Variants in P2RY10 observed in about 807,000 individuals in gnomAD.
The protein encoded by P2RY10 is P2Y receptor family member 10.
In P2RY10, 4 loss-of-function variants were observed where a neutral mutation model predicts 12.1. That is an observed-to-expected ratio of 0.33 (90% CI 0.16 to 0.76). The LOEUF (loss-of-function observed/expected upper bound fraction) is 0.76, where lower values mean the gene tolerates loss of function less well. P2RY10 is among the 30% of genes least tolerant of loss of function. The probability of loss-of-function intolerance (pLI) is 0.61; values close to 1 mark genes in which losing one functional copy is unlikely to be tolerated. For missense variants in P2RY10, 233 were observed against 264.6 expected (o/e 0.88, Z 0.83); for synonymous variants, 112 against 94.1 (o/e 1.19, Z -1.10).
At position 78,954,020 on chromosome X, in the gene P2RY10, G is replaced by A. The variant is rs998241181; in HGVS notation, c.-14+1685G>A. On this transcript the variant is annotated intron_variant, in intron 3 of 3. Coordinates refer to ENST00000171757, the MANE Select transcript of P2RY10 (RefSeq NM_014499.4). ...GCTGGGACCACATAGGCGTGCCACC[G>A]CACCCAGCTAATTTTTTTGTTTTAT... is the stretch of plus-strand genomic sequence containing the variant. Among the ~76,000 whole-genome samples the A allele has an allele frequency of 4.5e-5, 5 of 110,595 alleles. No homozygotes were observed. In the East Asian group the frequency reaches 8.5e-4, roughly 19 times the overall value.
chrX:78,954,527 A>T (rs1475258190), intron 3 of P2RY10, among the ~76,000 whole-genome samples: 1 of 112,301 alleles, frequency 8.9e-6, no homozygotes, highest in Non-Finnish European at 1.9e-5. Context: ...ACTGCTTATT[A>T]AAAAATTGAC....
intron 3 of P2RY10, among the ~76,000 whole-genome samples, chrX:78,955,950 TAG>T (rs1387791479): frequency 9.0e-6 from 1 of 111,212 alleles, no homozygotes; most frequent in African/African-American, 3.3e-5. Flanking sequence ...GAAAAGGAAA[TAG>T]AGTTATTTCC....
intron 3 of P2RY10, among the ~76,000 whole-genome samples, chrX:78,959,758 C>T (rs1376307337): frequency 9.0e-6 from 1 of 111,680 alleles, no homozygotes; most frequent in Non-Finnish European, 1.9e-5. Context: ...CACACCAATA[C>T]AGGATTCTAC....
chrX:78,956,126 G>C (rs1310175933), intron 3 of P2RY10, among the ~76,000 whole-genome samples: 1 of 111,842 alleles, frequency 8.9e-6, no homozygotes, highest in Non-Finnish European at 1.9e-5. Context: ...TCATGAAGCT[G>C]TCCTTTTCTT....
chrX:78,951,300 G>A (rs1054994897), intron 2 of P2RY10, among the ~76,000 whole-genome samples: 33 of 112,127 alleles, frequency 2.9e-4, no homozygotes, highest in African/African-American at 1.0e-3. Context: ...ATTTCAAAAC[G>A]AAAGCTGGAT....
rs1922653054 is a variant in P2RY10 at position 78,962,054 on chromosome X, A to T, written c.*514A>T. ...ATTTCAGGACCACAAGCCTGTTATT[A>T]AAGAAAAGGCATGGAAATTCATTCA... On this transcript the variant is annotated 3_prime_UTR_variant, in exon 4 of 4. Transcript: ENST00000171757. 8.6e-6 allele frequency: 1 copy of T among 115,614 alleles called. No individual in the cohort carries two copies. Among genetic ancestry groups the T allele is most frequent in the African/African-American group, 3.2e-5 (1 of 30,958 alleles). The allele number at this position is 115,614 out of a possible 1,213,427, so 9.5% of individuals were successfully genotyped here.
intron 3 of P2RY10, 39 bp from the exon 4 acceptor site, chrX:78,960,469 T>G: frequency 3.8e-6 from 4 of 1,058,502 alleles, no homozygotes; most frequent in South Asian, 4.3e-5. Flanking sequence ...AAAGAACTAA[T>G]TAACCATTTT....
intron 2 of P2RY10, among the ~76,000 whole-genome samples, chrX:78,949,556 C>G (rs1350897723): frequency 8.9e-6 from 1 of 112,118 alleles, no homozygotes; most frequent in African/African-American, 3.2e-5. Context: ...GCTGCCACAG[C>G]TGCAAAAATG....
At chrX:78,947,923 A>G in intron 2 of P2RY10, 60 bp downstream of exon 2, 1 of 368,273 alleles carries the variant, frequency 2.7e-6, no homozygotes, top group Non-Finnish European at 3.5e-6. Flanking sequence ...AAACTTTCTG[A>G]AATCTAATTT....
intron 3 of P2RY10, among the ~76,000 whole-genome samples, chrX:78,955,925 C>A (rs1457067605): frequency 9.0e-6 from 1 of 110,978 alleles, no homozygotes; most frequent in African/African-American, 3.3e-5. Flanking sequence ...CAGCCAAAGT[C>A]CTCAAAAAGC....
At position 78,961,199 on chromosome X, in the gene P2RY10, C is replaced by A. The variant is rs1373435560; in HGVS notation, c.679C>A (p.Gln227Lys). Reference protein sequence around the residue: ...CTWKTTISLRQPPMAFQGISE... With the variant: ...CTWKTTISLRKPPMAFQGISE... ...CTGGAAAACTACTATATCCTTGAGA[C>A]AGCCACCAATGGCTTTCCAAGGGAT... Residue 227 changes from glutamine (Q) to lysine (K), a missense_variant, in exon 4 of 4, where the codon CAG (glutamine) becomes AAG (lysine). By Grantham distance (53) the Gln-to-Lys change is moderately conservative (BLOSUM62 1). Transcript: ENST00000171757. 3 of 1,209,171 alleles carry A rather than the reference C, an allele frequency of 2.5e-6. No homozygotes were observed. The highest frequency in any genetic ancestry group is 1.7e-5 in the African/African-American group (1 of 57,790).
At chrX:78,947,012 G>C (rs1450884358) in intron 1 of P2RY10, among the ~76,000 whole-genome samples, 1 of 111,138 alleles carries the variant, frequency 9.0e-6, no homozygotes, top group African/African-American at 3.3e-5. Flanking sequence ...TCAGGAGTTC[G>C]AGACCAGCCT....
At chrX:78,946,088 C>A (rs1921821861) in intron 1 of P2RY10, among the ~76,000 whole-genome samples, 1 of 111,571 alleles carries the variant, frequency 9.0e-6, no homozygotes, top group South Asian at 3.8e-4. Context: ...GTTCACTCAG[C>A]TTGTTAGTGG....
At chrX:78,955,801 G>A (rs892947920) in intron 3 of P2RY10, among the ~76,000 whole-genome samples, 2 of 111,939 alleles carry the variant, frequency 1.8e-5, no homozygotes, top group Non-Finnish European at 3.8e-5. Context: ...AAGATAGGAA[G>A]TTTCTCAGGG....
Position 78,947,807 on chromosome X carries a change from T to G in P2RY10, c.-205-8T>G. ...ATCCTTTCCCAATTGCCATTATATT[T>G]CTTTCAGGTAATGTTATCATGACAG... On this transcript the variant is annotated splice_region_variant and splice_polypyrimidine_tract_variant and intron_variant, in intron 1 of 3. Coordinates refer to ENST00000171757, the MANE Select transcript of P2RY10 (RefSeq NM_014499.4). 1 of 653,832 alleles carries G rather than the reference T, an allele frequency of 1.5e-6. No individual in the cohort carries two copies. Among genetic ancestry groups the G allele is most frequent in the Non-Finnish European group, 1.8e-6 (1 of 547,261 alleles). 53.9% of individuals were successfully genotyped at this position (653,832 alleles called of 1,213,427 possible).
intron 3 of P2RY10, among the ~76,000 whole-genome samples, chrX:78,953,000 AG>A (rs1456733465): frequency 2.7e-5 from 3 of 111,933 alleles, no homozygotes; most frequent in African/African-American, 9.7e-5. Context: ...AAAAGAGGGT[AG>A]AGGAAAATAA....
At chrX:78,949,588 C>T (rs994597278) in intron 2 of P2RY10, among the ~76,000 whole-genome samples, 1 of 112,194 alleles carries the variant, frequency 8.9e-6, no homozygotes, top group Non-Finnish European at 1.9e-5. Context: ...GGCCGCCTTC[C>T]TAAATGATTG....
chrX:78,952,417 G>T, intron 3 of P2RY10, 82 bp downstream of exon 3: 1 of 537,872 alleles, frequency 1.9e-6, no homozygotes, highest in Non-Finnish European at 2.3e-6. Context: ...GTAATTCAAA[G>T]CCACAGAAGT....
At chrX:78,952,527 A>G (rs1374124162) in intron 3 of P2RY10, among the ~76,000 whole-genome samples, 192 bp downstream of exon 3, 1 of 111,870 alleles carries the variant, frequency 8.9e-6, no homozygotes, top group African/African-American at 3.3e-5. Flanking sequence ...GTAAACAACT[A>G]TGGAGAGAAG....
Sources: allele counts gnomAD v4.1 joint callset (sites outside exome capture counted in the v4.1 genomes callset), GRCh38; gene constraint gnomAD v4.1.1; transcripts MANE v1.5; gene names NCBI Gene and HGNC (gene_info 2026-07-23, HGNC 2026-07-21).